STAG1: variants seen among roughly 807,000 people sequenced by gnomAD.
STAG1 encodes cohesin subunit SA-1.
A neutral mutation model predicts 170.9 loss-of-function variants in STAG1; 26 were observed. The observed-to-expected ratio is 0.15, with a 90% CI of 0.11 to 0.21. The LOEUF (loss-of-function observed/expected upper bound fraction) is 0.21, where lower values mean the gene tolerates loss of function less well. Among genes scored for constraint, STAG1 ranks in the 10% least tolerant of loss-of-function variants. STAG1 has a pLI of 1.00. For synonymous variants in STAG1, 514 were observed against 497.7 expected, an observed-to-expected ratio of 1.03 and a Z score of -0.44; for missense variants, 964 against 1,509.5, an observed-to-expected ratio of 0.64 and a Z score of 5.99.
intron 5 of STAG1, among the ~76,000 whole-genome samples, chr3:136,561,356 A>C (rs1227831136): frequency 6.6e-6 from 1 of 152,206 alleles, no homozygotes; most frequent in Non-Finnish European, 1.5e-5. Flanking sequence ...GTTTTCATTG[A>C]GTGCTTTTAC....
At chr3:136,365,270 C>T (rs1292107725) in intron 25 of STAG1, among the ~76,000 whole-genome samples, 1 of 152,122 alleles carries the variant, frequency 6.6e-6, no homozygotes, top group Non-Finnish European at 1.5e-5. Flanking sequence ...AGGATAAACA[C>T]TTATAAAATG....
chr3:136,730,871 C>T (rs1038016143), intron 1 of STAG1, among the ~76,000 whole-genome samples: 2 of 152,192 alleles, frequency 1.3e-5, no homozygotes, highest in Admixed American at 1.3e-4. Flanking sequence ...AGCAATGATT[C>T]TTAAACTTCA....
intron 12 of STAG1, among the ~76,000 whole-genome samples, chr3:136,468,931 C>A (rs1158487633): frequency 5.3e-5 from 8 of 152,128 alleles, no homozygotes; most frequent in Non-Finnish European, 1.2e-4. Flanking sequence ...TGACAAAATT[C>A]AACAACGCTT....
At chr3:136,552,914 T>C (rs987906175) in intron 5 of STAG1, among the ~76,000 whole-genome samples, 1 of 152,066 alleles carries the variant, frequency 6.6e-6, no homozygotes, top group African/African-American at 2.4e-5. Flanking sequence ...ATCCTAGGAT[T>C]CAAATAAATT....
chr3:136,526,940 T>C (rs1245401186), intron 6 of STAG1, among the ~76,000 whole-genome samples: 2 of 152,354 alleles, frequency 1.3e-5, no homozygotes, highest in Non-Finnish European at 2.9e-5. Context: ...TTCTGGCTTG[T>C]ACAGTTTCTG....
chr3:136,377,466 G>T (rs1388793183), intron 23 of STAG1, among the ~76,000 whole-genome samples, 194 bp downstream of exon 23: 3 of 142,934 alleles, frequency 2.1e-5, no homozygotes, highest in Non-Finnish European at 3.0e-5. Context: ...TAAAAGGAAA[G>T]AATGTATATT....
chr3:136,455,010 A>G (rs756138262), intron 13 of STAG1, among the ~76,000 whole-genome samples: 1 of 152,214 alleles, frequency 6.6e-6, no homozygotes, highest in Non-Finnish European at 1.5e-5. Context: ...CAAGTCATCA[A>G]ACTGTAAGTT....
chr3:136,359,365 T>C (rs947447479), intron 26 of STAG1, 69 bp from the exon 27 acceptor site: 8 of 1,179,594 alleles, frequency 6.8e-6, no homozygotes, highest in Non-Finnish European at 8.1e-6. Flanking sequence ...TCAGAATAGG[T>C]AATTAAAAAA....
chr3:136,560,827 C>G (rs1430169017), intron 5 of STAG1, among the ~76,000 whole-genome samples: 1 of 152,134 alleles, frequency 6.6e-6, no homozygotes, highest in East Asian at 1.9e-4. Flanking sequence ...GATACTGGAG[C>G]CAATGAAGGA....
chr3:136,718,529 T>G (rs373906581), intron 1 of STAG1, among the ~76,000 whole-genome samples: 1 of 152,234 alleles, frequency 6.6e-6, no homozygotes, highest in Non-Finnish European at 1.5e-5. Flanking sequence ...TTTTACTAGC[T>G]GGAATAGAAT....
chr3:136,650,192 C>T (rs1035489278), intron 1 of STAG1, among the ~76,000 whole-genome samples: 13 of 147,998 alleles, frequency 8.8e-5, no homozygotes, highest in South Asian at 8.5e-4. Flanking sequence ...GCTATGGTTG[C>T]GCAACTGTAC....
chr3:136,550,846 T>C (rs559671807), intron 5 of STAG1, among the ~76,000 whole-genome samples: 2 of 152,302 alleles, frequency 1.3e-5, no homozygotes, highest in Admixed American at 1.3e-4. Flanking sequence ...TTTTATACAA[T>C]GTCTTTCGAT....
At chr3:136,411,850 G>T (rs2087632478) in intron 21 of STAG1, among the ~76,000 whole-genome samples, 1 of 151,908 alleles carries the variant, frequency 6.6e-6, no homozygotes. Context: ...GGAGGCTGAG[G>T]CAGAGAATTG....
At chr3:136,558,945 C>CA (rs1215479131) in intron 5 of STAG1, among the ~76,000 whole-genome samples, 3 of 152,022 alleles carry the variant, frequency 2.0e-5, no homozygotes, top group Admixed American at 6.6e-5. Context: ...TTTTGCTTCC[C>CA]AAAATTGAAC....
intron 4 of STAG1, 87 bp downstream of exon 4, chr3:136,604,222 T>C: frequency 8.3e-7 from 1 of 1,206,944 alleles, no homozygotes; most frequent in Non-Finnish European, 1.1e-6. Context: ...AACAGAAGTA[T>C]ATAAAGTGCC....
At chr3:136,581,483 GA>G (rs1204894741) in intron 4 of STAG1, among the ~76,000 whole-genome samples, 1 of 152,066 alleles carries the variant, frequency 6.6e-6, no homozygotes, top group African/African-American at 2.4e-5. Flanking sequence ...TTTTATCAAA[GA>G]AACGCAAATA....
At chr3:136,344,717 G>A (rs1936146247) in intron 29 of STAG1, among the ~76,000 whole-genome samples, 2 of 151,922 alleles carry the variant, frequency 1.3e-5, no homozygotes, top group Admixed American at 1.3e-4. Flanking sequence ...AGGTTCAAGC[G>A]ATTCTCCTGA....
At chr3:136,341,793 C>T (rs911015828) in intron 30 of STAG1, among the ~76,000 whole-genome samples, 2 of 152,206 alleles carry the variant, frequency 1.3e-5, no homozygotes, top group African/African-American at 4.8e-5. Context: ...CTCTGCCAAA[C>T]AAGGGTTCTC....
chr3:136,408,065 ATCT>A (rs71943709), intron 21 of STAG1, among the ~76,000 whole-genome samples: 25,020 of 152,136 alleles, frequency 0.16, 2,715 homozygotes, highest in Non-Finnish European at 0.24. Flanking sequence ...GTATATATAA[ATCT>A]TCTCATCATC....
Sources: allele counts gnomAD v4.1 joint callset (sites outside exome capture counted in the v4.1 genomes callset), GRCh38; gene constraint gnomAD v4.1.1; transcripts MANE v1.5; gene names NCBI Gene and HGNC (gene_info 2026-07-23, HGNC 2026-07-21).